Variants in KAZN observed in about 807,000 individuals in gnomAD.
KAZN encodes the protein kazrin, periplakin interacting protein.
A neutral mutation model predicts 87.4 loss-of-function variants in KAZN; 40 were observed. The observed-to-expected ratio is 0.46, with a 90% confidence interval of 0.36 to 0.60. The LOEUF is 0.60. Ranked by LOEUF, KAZN falls within the 20% of genes least tolerant of loss-of-function variation. The pLI, the probability that KAZN is intolerant of heterozygous loss-of-function variation, is 0.00. For synonymous variants in KAZN, 466 were observed against 458.3 expected, an observed-to-expected ratio of 1.02 and a Z score of -0.22; for missense variants, 898 against 1,073.9, an observed-to-expected ratio of 0.84 and a Z score of 2.29.
At chr1:13,992,466 G>A (rs1292265729) in intron 1 of KAZN, among the ~76,000 whole-genome samples, 1 of 152,140 alleles carries the variant, frequency 6.6e-6, no homozygotes, top group East Asian at 1.9e-4. Context: ...TAAGTAGTGA[G>A]TCATGGAGGA....
intron 1 of KAZN, among the ~76,000 whole-genome samples, chr1:14,915,162 G>A (rs1230893325): frequency 6.6e-6 from 1 of 152,174 alleles, no homozygotes; most frequent in Non-Finnish European, 1.5e-5. Context: ...ACTCCAGCCT[G>A]GGCAACAAGA....
intron 2 of KAZN, among the ~76,000 whole-genome samples, chr1:14,319,988 T>C (rs1655937284): frequency 6.6e-6 from 1 of 152,152 alleles, no homozygotes; most frequent in Non-Finnish European, 1.5e-5. Context: ...GTTATTAAGG[T>C]CATCAAAGAA....
intron 1 of KAZN, among the ~76,000 whole-genome samples, chr1:14,132,574 G>A (rs1365827282): frequency 6.6e-6 from 1 of 152,166 alleles, no homozygotes; most frequent in African/African-American, 2.4e-5. Context: ...TGTCTCCGAA[G>A]AACAAAATCA....
At chr1:14,153,743 A>G (rs895694521) in intron 1 of KAZN, among the ~76,000 whole-genome samples, 4 of 143,958 alleles carry the variant, frequency 2.8e-5, no homozygotes, top group African/African-American at 1.0e-4. Flanking sequence ...GTGCCATTGC[A>G]CTCCAGCCTG....
chr1:14,297,705 TCTCA>T (rs1238650937), intron 2 of KAZN, among the ~76,000 whole-genome samples: 1 of 152,184 alleles, frequency 6.6e-6, no homozygotes, highest in Non-Finnish European at 1.5e-5. Context: ...ATCTCCTCTT[TCTCA>T]CTCTTACTCA....
chr1:14,911,261 C>CA (rs1228328981), intron 1 of KAZN, among the ~76,000 whole-genome samples: 3 of 152,248 alleles, frequency 2.0e-5, no homozygotes, highest in African/African-American at 7.2e-5. Flanking sequence ...CCTAAGCAAT[C>CA]ACGTTCCCTC....
At chr1:14,555,666 CA>C (rs1673819076) in intron 2 of KAZN, among the ~76,000 whole-genome samples, 1 of 152,076 alleles carries the variant, frequency 6.6e-6, no homozygotes, top group Admixed American at 6.6e-5. Flanking sequence ...CTTTATTTTA[CA>C]AAGCTAGCTA....
chr1:14,814,957 T>G (rs1471411502), intron 1 of KAZN, among the ~76,000 whole-genome samples: 1 of 152,204 alleles, frequency 6.6e-6, no homozygotes, highest in African/African-American at 2.4e-5. Context: ...AGACAGAGGA[T>G]GTAAAGCCTT....
At chr1:14,309,900 A>C (rs892415959) in intron 2 of KAZN, among the ~76,000 whole-genome samples, 4 of 152,068 alleles carry the variant, frequency 2.6e-5, no homozygotes, top group Non-Finnish European at 5.9e-5. Flanking sequence ...AAAATTCTGC[A>C]GGGACACAAG....
rs536805771 is a variant in KAZN at position 14,004,214 on chromosome 1, G to A, written c.91+110458G>A. ...CAATGGCTAAAAATTGAAAATGACA[G>A]ATGATATCTAATGTTGAGAAAAATG... On this transcript the variant is annotated intron_variant, in intron 1 of 16. Coordinates refer to the KAZN transcript ENST00000636203. 9.9e-5 allele frequency among the ~76,000 whole-genome samples: 15 copies of A among 152,100 alleles called. No individual in the cohort carries two copies. In the East Asian group the frequency reaches 2.5e-3, roughly 25 times the overall value.
chr1:14,585,650 C>T (rs1415585681), intron 2 of KAZN, among the ~76,000 whole-genome samples: 1 of 152,088 alleles, frequency 6.6e-6, no homozygotes, highest in African/African-American at 2.4e-5. Flanking sequence ...AGGTACTCCA[C>T]CTACTTCAAG....
intron 1 of KAZN, among the ~76,000 whole-genome samples, chr1:14,141,235 T>TAAAA (rs1557509230): frequency 3.0e-5 from 1 of 33,144 alleles, no homozygotes; most frequent in Non-Finnish European, 4.6e-5. Flanking sequence ...TGATTACCAT[T>TAAAA]TAAAAAAAAA....
chr1:14,998,828 G>A (rs574273405), intron 2 of KAZN, among the ~76,000 whole-genome samples: 15 of 152,300 alleles, frequency 9.8e-5, no homozygotes, highest in African/African-American at 3.4e-4. Context: ...GGGATTACAG[G>A]CGTGGGCCAC....
At chr1:14,428,155 T>A (rs529175103) in intron 2 of KAZN, among the ~76,000 whole-genome samples, 127 of 152,302 alleles carry the variant, frequency 8.3e-4, no homozygotes, top group Non-Finnish European at 1.7e-3. Flanking sequence ...ATAAATTCAT[T>A]TGGTGAGACG....
At chr1:14,830,441 G>A (rs867020365) in intron 1 of KAZN, among the ~76,000 whole-genome samples, 43 of 152,322 alleles carry the variant, frequency 2.8e-4, no homozygotes, top group African/African-American at 8.9e-4. Context: ...GCCCTCAGGA[G>A]CCTGCAGAGT....
chr1:14,139,525 T>A (rs547247205), intron 1 of KAZN, among the ~76,000 whole-genome samples: 1 of 152,348 alleles, frequency 6.6e-6, no homozygotes, highest in East Asian at 1.9e-4. Flanking sequence ...TTGTTCTTCC[T>A]CCTGGAGCTC....
In KAZN at chr1:14,025,557, A is replaced by G. The variant is rs772482204; in HGVS notation, c.91+131801A>G. On this transcript the variant is annotated intron_variant, in intron 1 of 16. Coordinates refer to the KAZN transcript ENST00000636203. ...ATTCTAACAGGATCTCGGGGTTTTC[A>G]TATGCACACTAAATTTGGAGAAACA... Among the ~76,000 whole-genome samples the G allele has an allele frequency of 8.4e-4, 127 of 152,092 alleles. 1 individual carries two copies. Among genetic ancestry groups the G allele is most frequent in the Non-Finnish European group, 1.2e-3 (82 of 68,022 alleles).
At chr1:14,045,536 C>A (rs1402321455) in intron 1 of KAZN, among the ~76,000 whole-genome samples, 1 of 152,166 alleles carries the variant, frequency 6.6e-6, no homozygotes, top group East Asian at 1.9e-4. Context: ...TAGTAAATAT[C>A]TACAATTATT....
intron 2 of KAZN, among the ~76,000 whole-genome samples, chr1:14,402,400 TCTAAG>T (rs892408501): frequency 9.6e-4 from 146 of 152,262 alleles, no homozygotes; most frequent in African/African-American, 3.4e-3. Flanking sequence ...AAGTTTATGA[TCTAAG>T]CTATCTAAAA....
Sources: gnomAD v4.1 joint callset for allele counts (sites outside exome capture counted in the v4.1 genomes callset) on GRCh38, gnomAD v4.1.1 for gene constraint, MANE v1.5 for transcripts, NCBI Gene and HGNC (gene_info 2026-07-23, HGNC 2026-07-21) for gene names.